RBFOX1: variants seen among roughly 807,000 people sequenced by gnomAD.
The protein encoded by RBFOX1 is RNA binding protein fox-1 homolog 1.
RBFOX1 carries 8 observed loss-of-function variants against 57.7 expected under a neutral mutation model. The observed-to-expected ratio is 0.14, with a 90% confidence interval of 0.08 to 0.25. RBFOX1 has a LOEUF of 0.25. RBFOX1 is among the 10% of genes least tolerant of loss of function. RBFOX1 has a pLI of 1.00. For missense variants in RBFOX1, 611 were observed against 548.5 expected (o/e 1.11, Z -1.14); for synonymous variants, 326 against 222.4 (o/e 1.47, Z -4.15).
intron 4 of RBFOX1, among the ~76,000 whole-genome samples, chr16:7,218,324 C>T (rs904717620): frequency 3.9e-5 from 6 of 152,162 alleles, no homozygotes; most frequent in African/African-American, 1.4e-4. Flanking sequence ...TCTAAGCCAT[C>T]ATCAGTATAT....
At chr16:5,293,670 A>G (rs1320958556) in intron 1 of RBFOX1, among the ~76,000 whole-genome samples, 2 of 152,058 alleles carry the variant, frequency 1.3e-5, no homozygotes, top group Admixed American at 6.6e-5. Context: ...TGTATGTTAC[A>G]TGATTCCATT....
chr16:6,930,254 A>T (rs1309769777), intron 3 of RBFOX1, among the ~76,000 whole-genome samples: 2 of 152,236 alleles, frequency 1.3e-5, no homozygotes, highest in African/African-American at 4.8e-5. Flanking sequence ...GCTGACTCAA[A>T]ACCGAGCAGA....
At chr16:6,791,902 A>G (rs1049442919) in intron 3 of RBFOX1, among the ~76,000 whole-genome samples, 2 of 152,204 alleles carry the variant, frequency 1.3e-5, no homozygotes, top group Non-Finnish European at 2.9e-5. Context: ...GTGTTAAGTT[A>G]TCTAACACAG....
At position 7,105,977 on chromosome 16, in the gene RBFOX1, A is replaced by G. The variant is rs373903511; in HGVS notation, c.27+53879A>G. On this transcript the variant is annotated intron_variant, in intron 4 of 15. Coordinates refer to ENST00000550418, the MANE Select transcript of RBFOX1 (RefSeq NM_018723.4). Reference sequence around the variant, plus strand: ...CCAGTCTTTGTCTGTGCTAATGACAACTCTATGAAACTACTCAGTCCAGGA... The same window carrying G: ...CCAGTCTTTGTCTGTGCTAATGACAGCTCTATGAAACTACTCAGTCCAGGA... 2.0e-5 allele frequency among the ~76,000 whole-genome samples: 3 copies of G among 152,086 alleles called. No homozygotes were observed. In the East Asian group the frequency reaches 5.8e-4, roughly 30 times the overall value.
At chr16:7,558,060 T>C (rs903660279) in intron 5 of RBFOX1, among the ~76,000 whole-genome samples, 27 of 152,102 alleles carry the variant, frequency 1.8e-4, no homozygotes, top group African/African-American at 6.5e-4. Context: ...TAATTTTTAA[T>C]ATACTTTATT....
intron 2 of RBFOX1, among the ~76,000 whole-genome samples, chr16:5,582,223 C>T (rs1347314765): frequency 2.0e-5 from 3 of 152,100 alleles, no homozygotes; most frequent in Non-Finnish European, 4.4e-5. Flanking sequence ...GCTGGGGTAG[C>T]GACAGGCTGG....
chr16:7,026,829 G>T (rs1346321590), intron 3 of RBFOX1, among the ~76,000 whole-genome samples: 6 of 152,226 alleles, frequency 3.9e-5, no homozygotes, highest in Admixed American at 1.3e-4. Context: ...GGCACCTGCT[G>T]ATCTGGACAT....
intron 13 of RBFOX1, among the ~76,000 whole-genome samples, chr16:7,675,056 G>A (rs888112694): frequency 2.6e-5 from 4 of 152,242 alleles, no homozygotes; most frequent in African/African-American, 9.6e-5. Context: ...CTTTAAGCCT[G>A]TTGCAGCTAA....
chr16:6,851,813 A>C (rs1191859498), intron 3 of RBFOX1, among the ~76,000 whole-genome samples: 1 of 152,192 alleles, frequency 6.6e-6, no homozygotes, highest in Non-Finnish European at 1.5e-5. Context: ...CTGGGCATCA[A>C]GGCGCAGACA....
chr16:6,960,099 G>C (rs979222810), intron 3 of RBFOX1, among the ~76,000 whole-genome samples: 5 of 152,238 alleles, frequency 3.3e-5, no homozygotes, highest in South Asian at 2.1e-4. Flanking sequence ...GATTAAACAA[G>C]TGTATTGGGG....
At chr16:6,307,774 A>G (rs969010808) in intron 1 of RBFOX1, among the ~76,000 whole-genome samples, 1 of 146,948 alleles carries the variant, frequency 6.8e-6, no homozygotes, top group Non-Finnish European at 1.5e-5. Context: ...TATATTATTT[A>G]TATGTTTATT....
At chr16:5,460,899 A>G (rs1000064149) in intron 1 of RBFOX1, among the ~76,000 whole-genome samples, 6 of 152,178 alleles carry the variant, frequency 3.9e-5, no homozygotes, top group African/African-American at 1.4e-4. Context: ...CGTAGTAGCG[A>G]TTACACATAT....
At chr16:7,695,015 C>T (rs1222994154) in intron 14 of RBFOX1, among the ~76,000 whole-genome samples, 3 of 152,142 alleles carry the variant, frequency 2.0e-5, no homozygotes, top group Admixed American at 6.5e-5. Flanking sequence ...AAGTGATCCA[C>T]ACACAATATT....
At chr16:7,277,081 T>A (rs1230383039) in intron 4 of RBFOX1, among the ~76,000 whole-genome samples, 1 of 152,242 alleles carries the variant, frequency 6.6e-6, no homozygotes, top group Middle Eastern at 3.2e-3. Flanking sequence ...CGTTGTATTT[T>A]GCATTTTTTA....
At chr16:7,580,567 T>G (rs946662995) in intron 6 of RBFOX1, among the ~76,000 whole-genome samples, 1 of 152,184 alleles carries the variant, frequency 6.6e-6, no homozygotes, top group Admixed American at 6.5e-5. Context: ...TGCCATGAAG[T>G]GTAGCCTTGC....
In RBFOX1 at chr16:5,276,610, C is replaced by T. The variant is rs755498254; in HGVS notation, c.219+36505C>T. 8.5e-5 allele frequency among the ~76,000 whole-genome samples: 13 copies of T among 152,142 alleles called. 2 individuals are homozygous for T. In the Middle Eastern group the frequency reaches 0.02, roughly 239 times the overall value. ...CCAGCCTGACTAACATGGTGAAACC[C>T]CGTCTCTACTGAAAATACAAAAATT... On this transcript the variant is annotated intron_variant, in intron 1 of 2. Coordinates refer to the RBFOX1 transcript ENST00000585867.
chr16:6,983,407 A>G (rs377029964), intron 3 of RBFOX1, among the ~76,000 whole-genome samples: 16 of 151,004 alleles, frequency 1.1e-4, no homozygotes, highest in African/African-American at 3.2e-4. Flanking sequence ...CGAGAATGAT[A>G]TAATTATCTA....
intron 3 of RBFOX1, among the ~76,000 whole-genome samples, chr16:7,051,599 C>G (rs1313393918): frequency 3.3e-5 from 5 of 152,168 alleles, no homozygotes; most frequent in African/African-American, 7.2e-5. Flanking sequence ...ACCCAGTTGC[C>G]AAGGCATGAC....
intron 2 of RBFOX1, among the ~76,000 whole-genome samples, chr16:5,588,227 G>C (rs980808507): frequency 3.3e-5 from 5 of 152,194 alleles, no homozygotes; most frequent in African/African-American, 1.2e-4. Flanking sequence ...GGGGATGGAG[G>C]ATGGAGGTGA....
Sources: allele counts gnomAD v4.1 joint callset (sites outside exome capture counted in the v4.1 genomes callset), GRCh38; gene constraint gnomAD v4.1.1; transcripts MANE v1.5; gene names NCBI Gene and HGNC (gene_info 2026-07-23, HGNC 2026-07-21).